SORCS1: variants seen among roughly 807,000 people sequenced by gnomAD.
SORCS1 encodes VPS10 domain-containing receptor SorCS1.
SORCS1 carries 60 observed loss-of-function variants against 146.1 expected under a neutral mutation model. The ratio of observed to expected loss-of-function variants is 0.41; its 90% CI spans 0.33 to 0.51. The LOEUF (loss-of-function observed/expected upper bound fraction) is 0.51. Among genes scored for constraint, SORCS1 ranks in the 20% least tolerant of loss-of-function variants. The probability of loss-of-function intolerance (pLI) is 0.21; values close to 1 mark genes in which losing one functional copy is unlikely to be tolerated. For synonymous variants in SORCS1, 637 were observed against 584.0 expected, an observed-to-expected ratio of 1.09 and a Z score of -1.31; for missense variants, 1,352 against 1,487.6, an observed-to-expected ratio of 0.91 and a Z score of 1.50.
chr10:106,971,611 G>A (rs1410752739), intron 1 of SORCS1, among the ~76,000 whole-genome samples: 1 of 152,234 alleles, frequency 6.6e-6, no homozygotes, highest in African/African-American at 2.4e-5. Context: ...TCAATGCTGT[G>A]TAACTCTTTT....
chr10:106,626,820 T>C (rs1848141815), intron 19 of SORCS1, among the ~76,000 whole-genome samples: 1 of 152,234 alleles, frequency 6.6e-6, no homozygotes, highest in Non-Finnish European at 1.5e-5. Flanking sequence ...GCTTCAAACA[T>C]GAACTTGCTT....
intron 6 of SORCS1, among the ~76,000 whole-genome samples, chr10:106,715,303 G>C (rs1382222344): frequency 6.6e-6 from 1 of 152,190 alleles, no homozygotes; most frequent in Non-Finnish European, 1.5e-5. Context: ...CTACACAGAT[G>C]TTTTCCTTGC....
intron 16 of SORCS1, 121 bp downstream of exon 16, chr10:106,671,116 G>A (rs901332172): frequency 1.5e-6 from 2 of 1,334,352 alleles, no homozygotes; most frequent in African/African-American, 1.5e-5. Context: ...AATTTTATAA[G>A]AATATGAAGC....
chr10:107,060,663 A>G lies in SORCS1; in HGVS notation c.558+103306T>C, dbSNP rs1479567404. ...CCCTTACTTTGTGATATTTGTGACC[A>G]TGAGTCCCCGGCTCACGGTTTTCTC... On this transcript the variant is annotated intron_variant, in intron 1 of 25. Coordinates refer to ENST00000263054, the MANE Select transcript of SORCS1 (RefSeq NM_052918.5). The surrounding 1 kb of genome is among the most constrained non-coding windows in gnomAD (Gnocchi z 4.1). Among the ~76,000 whole-genome samples, 2 of 152,130 alleles carry G rather than the reference A, an allele frequency of 1.3e-5. No homozygotes were observed. Among genetic ancestry groups the G allele is most frequent in the East Asian group, 3.9e-4 (2 of 5,178 alleles).
intron 1 of SORCS1, among the ~76,000 whole-genome samples, chr10:107,132,590 G>A (rs773880918): frequency 9.2e-5 from 14 of 152,120 alleles, no homozygotes; most frequent in South Asian, 2.1e-4. Flanking sequence ...GTTTATCTCC[G>A]TACTGTCAAT....
chr10:106,630,160 C>T (rs1016794429), intron 18 of SORCS1, among the ~76,000 whole-genome samples: 4 of 152,178 alleles, frequency 2.6e-5, no homozygotes, highest in East Asian at 3.8e-4. Context: ...GAATACCCCT[C>T]GTTATTTCTT....
chr10:106,933,199 C>A (rs1953507245), intron 2 of SORCS1, among the ~76,000 whole-genome samples: 1 of 152,184 alleles, frequency 6.6e-6, no homozygotes, highest in South Asian at 2.1e-4. Context: ...ATGAGCAGCT[C>A]AGTCAAGCAA....
At chr10:106,928,140 G>C (rs1953175640) in intron 2 of SORCS1, among the ~76,000 whole-genome samples, 1 of 152,248 alleles carries the variant, frequency 6.6e-6, no homozygotes, top group Non-Finnish European at 1.5e-5. Context: ...ATGGGACTGG[G>C]CGCCGTGGAG....
At chr10:106,741,014 T>C (rs1264660864) in intron 5 of SORCS1, among the ~76,000 whole-genome samples, 4 of 152,210 alleles carry the variant, frequency 2.6e-5, no homozygotes, top group Non-Finnish European at 5.9e-5. Context: ...ACGAAATACG[T>C]GTAGCTACTA....
At chr10:106,987,001 C>CAA (rs2139418744) in intron 1 of SORCS1, among the ~76,000 whole-genome samples, 1 of 152,274 alleles carries the variant, frequency 6.6e-6, no homozygotes, top group Admixed American at 6.5e-5. Context: ...TAACATTTTC[C>CAA]ACTTTCTCTG....
At chr10:106,736,131 T>G (rs983953376) in intron 5 of SORCS1, among the ~76,000 whole-genome samples, 4 of 152,222 alleles carry the variant, frequency 2.6e-5, no homozygotes, top group African/African-American at 9.7e-5. Flanking sequence ...AATGCAGCCT[T>G]TGTAGACATT....
chr10:106,712,894 T>C (rs1855100575), intron 6 of SORCS1, among the ~76,000 whole-genome samples: 1 of 152,328 alleles, frequency 6.6e-6, no homozygotes, highest in South Asian at 2.1e-4. Flanking sequence ...TCCATGTGAC[T>C]CAGAAGTTCC....
At chr10:107,061,546 A>C (rs1175943540) in intron 1 of SORCS1, among the ~76,000 whole-genome samples, 1 of 152,216 alleles carries the variant, frequency 6.6e-6, no homozygotes, top group African/African-American at 2.4e-5. Context: ...ATAATTAAAA[A>C]GCCAACATTC....
At chr10:106,653,077 C>A (rs1850000372) in intron 17 of SORCS1, among the ~76,000 whole-genome samples, 1 of 152,174 alleles carries the variant, frequency 6.6e-6, no homozygotes, top group Non-Finnish European at 1.5e-5. Context: ...CTGGATATTT[C>A]TACTCAGTCT....
chr10:106,920,984 G>A (rs1345877313), intron 2 of SORCS1, among the ~76,000 whole-genome samples: 1 of 152,042 alleles, frequency 6.6e-6, no homozygotes, highest in Non-Finnish European at 1.5e-5. Context: ...GCATGCTCCT[G>A]GGAAAACACT....
At chr10:106,791,455 T>A (rs1454850451) in intron 3 of SORCS1, among the ~76,000 whole-genome samples, 3 of 152,172 alleles carry the variant, frequency 2.0e-5, no homozygotes, top group African/African-American at 7.2e-5. Context: ...CCCACCACTT[T>A]GGGAGGCCGA....
chr10:106,785,990 C>A (rs1043997036), intron 3 of SORCS1, among the ~76,000 whole-genome samples: 2 of 152,210 alleles, frequency 1.3e-5, no homozygotes, highest in African/African-American at 4.8e-5. Flanking sequence ...ACATCATCTG[C>A]TGCTTTCCTC....
chr10:106,971,522 T>C lies in SORCS1; in HGVS notation c.559-14942A>G, dbSNP rs563954534. On this transcript the variant is annotated intron_variant, in intron 1 of 25. Coordinates refer to ENST00000263054, the MANE Select transcript of SORCS1 (RefSeq NM_052918.5). ...CATTGCCATTTTATCAAATTCCAAT[T>C]TTAGGAATGACATTCCAAATACTTT... Among the ~76,000 whole-genome samples the C allele has an allele frequency of 9.2e-5, 14 of 152,370 alleles. No homozygotes were observed. In the East Asian group the frequency reaches 2.5e-3, roughly 27 times the overall value.
intron 2 of SORCS1, among the ~76,000 whole-genome samples, chr10:106,886,641 A>G (rs998372860): frequency 7.9e-5 from 12 of 152,338 alleles, no homozygotes; most frequent in Admixed American, 3.9e-4. Flanking sequence ...AAGATCCTGA[A>G]TACCTACTCT....
Sources: allele counts gnomAD v4.1 joint callset (sites outside exome capture counted in the v4.1 genomes callset), GRCh38; gene constraint gnomAD v4.1.1; non-coding constraint Gnocchi (gnomAD v3.1); transcripts MANE v1.5; gene names NCBI Gene and HGNC (gene_info 2026-07-23, HGNC 2026-07-21).